The following CPSF1 variants were observed in gnomAD, a reference collection of about 807,000 sequenced individuals.
CPSF1 encodes cleavage and polyadenylation specificity factor subunit 1.
CPSF1 carries 106 observed loss-of-function variants against 175.8 expected under a neutral mutation model. The observed-to-expected ratio is 0.60, with a 90% CI of 0.52 to 0.71. The LOEUF (loss-of-function observed/expected upper bound fraction) is 0.71, where lower values mean the gene tolerates loss of function less well. Among genes scored for constraint, CPSF1 ranks in the 30% least tolerant of loss-of-function variants. The pLI is 0.00. For synonymous variants in CPSF1, 1,024 were observed against 858.3 expected, an observed-to-expected ratio of 1.19 and a Z score of -3.37; for missense variants, 1,734 against 2,022.9, an observed-to-expected ratio of 0.86 and a Z score of 2.74.
At chr8:144,408,710 T>C (rs2116911663) in intron 2 of CPSF1, among the ~76,000 whole-genome samples, 4 of 152,344 alleles carry the variant, frequency 2.6e-5, no homozygotes, top group African/African-American at 9.6e-5. Context: ...ATGGTATCTC[T>C]GCTACCCAGC....
chr8:144,408,310 C>T (rs1453413907), intron 2 of CPSF1, among the ~76,000 whole-genome samples: 2 of 152,210 alleles, frequency 1.3e-5, no homozygotes, highest in Non-Finnish European at 2.9e-5. Context: ...ACCCTCCTCT[C>T]ACCATCCCTG....
chr8:144,400,132 C>CCGGGGGGGGGG, intron 9 of CPSF1, 34 bp downstream of exon 9: 1 of 1,067,950 alleles, frequency 9.4e-7, no homozygotes, highest in Non-Finnish European at 1.3e-6. Context: ...AAGCCGTCCC[C>CCGGGGGGGGGG]GGGCCCCCCC....
intron 28 of CPSF1, 25 bp downstream of exon 28, chr8:144,395,240 G>A: frequency 1.9e-6 from 3 of 1,613,054 alleles, no homozygotes; most frequent in Non-Finnish European, 2.5e-6. Context: ...GGCTGAGGAT[G>A]GGAGTATGGT....
At chr8:144,402,429 C>T (rs2116891314) in intron 2 of CPSF1, among the ~76,000 whole-genome samples, 21 of 152,128 alleles carry the variant, frequency 1.4e-4, no homozygotes, top group Non-Finnish European at 2.8e-4. Flanking sequence ...CTCAGCCTCC[C>T]AAGTAGCTGG....
At chr8:144,407,010 G>C (rs1372580210) in intron 2 of CPSF1, among the ~76,000 whole-genome samples, 1 of 151,990 alleles carries the variant, frequency 6.6e-6, no homozygotes, top group Non-Finnish European at 1.5e-5. Flanking sequence ...CCGCCTACGG[G>C]TTCAAGCAAT....
Position 144,394,319 on chromosome 8 carries a change from C to A in CPSF1, c.3745-19G>T, listed in dbSNP as rs201022477. Reference sequence around the variant, plus strand: ...TGGCATCCTGGGGGCGGGAAGGGGGCGTCAGAGGTGCCTTGGGCGGGTACC... The same window carrying A: ...TGGCATCCTGGGGGCGGGAAGGGGGAGTCAGAGGTGCCTTGGGCGGGTACC... On this transcript the variant is annotated intron_variant, in intron 32 of 37. Coordinates refer to ENST00000616140, the MANE Select transcript of CPSF1 (RefSeq NM_013291.3). 6 of 1,584,702 alleles carry A rather than the reference C, an allele frequency of 3.8e-6. No homozygotes were observed. The highest frequency in any genetic ancestry group is 5.2e-6 in the Non-Finnish European group (6 of 1,163,420).
In CPSF1 at chr8:144,396,078, G is replaced by C. The variant is rs553650560; in HGVS notation, c.2979+270C>G. ...CGTCAGCTCTCCTGAGAAGTGTGGA[G>C]GCCAGGCCCTGCGAGGGCTTGCCCG... On this transcript the variant is annotated intron_variant, in intron 26 of 37. Transcript: ENST00000616140. 7 of 530,446 alleles carry C rather than the reference G, an allele frequency of 1.3e-5. No homozygotes were observed. In the East Asian group the frequency reaches 1.6e-4, roughly 12 times the overall value. 32.9% of individuals were successfully genotyped at this position (530,446 alleles called of 1,614,324 possible). A position where few individuals can be genotyped will look rare whatever the true frequency, so the allele number is the denominator to read the frequency against.
At chr8:144,401,172 C>T (rs1219824602) in intron 5 of CPSF1, 39 bp downstream of exon 5, 14 of 868,586 alleles carry the variant, frequency 1.6e-5, no homozygotes, top group African/African-American at 5.4e-5. Context: ...GGGAGGGTGG[C>T]TGGGCGGGGC....
intron 37 of CPSF1, 35 bp downstream of exon 37, chr8:144,393,412 CGGAGG>C (rs1564681267): frequency 1.5e-6 from 1 of 681,196 alleles, no homozygotes; most frequent in Non-Finnish European, 2.1e-6. Context: ...GGGATGCACA[CGGAGG>C]GGCGGGGCGC....
In CPSF1 at chr8:144,397,752, G is replaced by A; in HGVS notation, c.2201C>T (p.Ser734Leu). Residue 734 changes from serine (S) to leucine (L), a missense_variant, in exon 21 of 38, where the codon TCA (serine) becomes TTA (leucine). Coordinates refer to ENST00000616140, the MANE Select transcript of CPSF1 (RefSeq NM_013291.3). Reference sequence around the variant, plus strand: ...CCCAGCCCCCACGCACCTAGTCTCTGAGCCCAGGCCCTCGGCCTCCGGGCC... The same window carrying A: ...CCCAGCCCCCACGCACCTAGTCTCTAAGCCCAGGCCCTCGGCCTCCGGGCC... ...RSGPEAEGLG[S>L]ETSPTVDDEE... is the part of the protein sequence containing the mutation. 6.2e-7 allele frequency: 1 copy of A among 1,603,578 alleles called. No homozygotes were observed. Among genetic ancestry groups the A allele is most frequent in the Non-Finnish European group, 8.5e-7 (1 of 1,173,130 alleles).
chr8:144,397,362 C>T lies in CPSF1; in HGVS notation c.2437G>A (p.Val813Met), dbSNP rs782130341. The T allele has an allele frequency of 4.6e-5, 72 of 1,565,928 alleles. No individual in the cohort carries two copies. The highest frequency in any genetic ancestry group is 6.0e-5 in the Non-Finnish European group (69 of 1,155,800). The change falls in exon 23 of 38, where the codon GTG (valine) becomes ATG (methionine). Residue 813 changes from valine (V) to methionine (M), a missense_variant. Val to Met is a conservative substitution (Grantham distance 21, BLOSUM62 1). This residue lies in a region of CPSF1 where 585 missense variants were observed against 584.7 expected (regional missense o/e 1.00). Coordinates refer to ENST00000616140, the MANE Select transcript of CPSF1 (RefSeq NM_013291.3). The stretch of plus-strand genomic sequence containing the variant: ...CTGTCCACAAGGACCCGCTGCCCCA[C>T]AGGGAAGTTCTTCACCAGGAACACC... Reference protein sequence around the residue: ...RLVFLVKNFPVGQRVLVDSSF... With the variant: ...RLVFLVKNFPMGQRVLVDSSF...
intron 26 of CPSF1, 21 bp downstream of exon 26, chr8:144,396,327 T>G: frequency 6.4e-7 from 1 of 1,572,900 alleles, no homozygotes; most frequent in Non-Finnish European, 8.6e-7. Context: ...CCAGTGCTGC[T>G]GGGAACCGGC....
In CPSF1 at chr8:144,397,617, C is replaced by T. The variant is rs782248274; in HGVS notation, c.2255G>A (p.Gly752Asp). The T allele has an allele frequency of 6.5e-7, 1 of 1,534,306 alleles. No individual in the cohort carries two copies. The highest frequency in any genetic ancestry group is 8.8e-7 in the Non-Finnish European group (1 of 1,136,678). ...CTCCTTGCTGGGGCTGAAGAGGGAG[C>T]CCGAATCCCCATACAGCATCTCCTC... ...DEEEMLYGDSGSLFSPSKEEA... is the reference protein window; with the variant it reads ...DEEEMLYGDSDSLFSPSKEEA... Residue 752 changes from glycine (G) to aspartate (D), a missense_variant, in exon 22 of 38, where the codon GGC (glycine) becomes GAC (aspartate). Gly to Asp is a moderately conservative substitution (Grantham distance 94, BLOSUM62 -1). This residue lies in a region of CPSF1 where 585 missense variants were observed against 584.7 expected (regional missense o/e 1.00). Transcript: ENST00000616140.
Position 144,395,278 on chromosome 8 carries a change from C to A in CPSF1, c.3174G>T (p.Glu1058Asp), listed in dbSNP as rs1427222292. 8.1e-6 allele frequency: 13 copies of A among 1,613,094 alleles called. No individual in the cohort carries two copies. The highest frequency in any genetic ancestry group is 2.7e-5 in the African/African-American group (2 of 74,928). ...PRMTGEEKEF[E>D]TIERDERYIH... ...GGGCGTCACCACCTCTCTCGATGGT[C>A]TCAAACTCCTTCTCCTCGCCAGTCA... is the stretch of plus-strand genomic sequence containing the variant. Residue 1058 changes from glutamate (E) to aspartate (D), a missense_variant, in exon 28 of 38, where the codon GAG becomes GAT. Glu to Asp is a conservative substitution (Grantham distance 45). Coordinates refer to ENST00000616140, the MANE Select transcript of CPSF1 (RefSeq NM_013291.3).
At position 144,399,406 on chromosome 8, in the gene CPSF1, T is replaced by C. The variant is rs1301012263; in HGVS notation, c.1295-33A>G. On this transcript the variant is annotated intron_variant, in intron 13 of 37. Coordinates refer to ENST00000616140, the MANE Select transcript of CPSF1 (RefSeq NM_013291.3). This position sits in a 1 kb window ranked among gnomAD's most constrained non-coding sequence, Gnocchi z 6.4. ...CAGAGAGCCCACTTGAGCGCAGCCC[T>C]GGGTCACCTGGCCCCGCTCCTGACC... 5.6e-6 allele frequency: 9 copies of C among 1,612,686 alleles called. 1 individual carries two copies. The Admixed American group carries it at 1.0e-4, about 18-fold the overall frequency.
chr8:144,400,135 G>GCCCCCCCCCCCCCCCCCCCCCCCCCCCC, intron 9 of CPSF1, 31 bp downstream of exon 9: 73 of 895,912 alleles, frequency 8.1e-5, no homozygotes, highest in Non-Finnish European at 9.8e-5. Flanking sequence ...CCGTCCCCGG[G>GCCCCCCCCCCCCCCCCCCCCCCCCCCCC]CCCCCCCCGC....
At position 144,397,796 on chromosome 8, in the gene CPSF1, G is replaced by A. The variant is rs782746557; in HGVS notation, c.2157C>T (p.Asp719=). The A allele has an allele frequency of 6.2e-5, 100 of 1,610,352 alleles. No individual in the cohort carries two copies. The East Asian group carries it at 6.5e-4, about 10-fold the overall frequency. The change falls in exon 21 of 38, where the codon GAC becomes GAT. Residue 719 remains aspartate (D), a synonymous_variant. Coordinates refer to ENST00000616140, the MANE Select transcript of CPSF1 (RefSeq NM_013291.3). The part of the protein sequence containing the change: ...TTESRLGGAR[D]ELGGRSGPEA... ...CCGGGCCACTGCGGCCCCCGAGCTCGTCACGGGCCCCACCCAGGCGGCTCT... is the reference window on the plus strand; with the variant it reads ...CCGGGCCACTGCGGCCCCCGAGCTCATCACGGGCCCCACCCAGGCGGCTCT...
chr8:144,395,102 C>T lies in CPSF1; in HGVS notation c.3268G>A (p.Ala1090Thr), dbSNP rs1554863180. Residue 1090 changes from alanine (A) to threonine (T), a missense_variant, in exon 29 of 38, where the codon GCC becomes ACC. Ala to Thr is a moderately conservative substitution (Grantham distance 58). This residue lies in a region of CPSF1 where 585 missense variants were observed against 584.7 expected (regional missense o/e 1.00). Coordinates refer to ENST00000616140, the MANE Select transcript of CPSF1 (RefSeq NM_013291.3). ...SPVSWEAIPNARIELQEWEHV... is the reference protein window; with the variant it reads ...SPVSWEAIPNTRIELQEWEHV... ...CCCCCGCCGGCCCAGCCTCACCTGG[C>T]ATTGGGAATAGCCTCCCAGCTGACC... 2 of 1,609,666 alleles carry T rather than the reference C, an allele frequency of 1.2e-6. No individual in the cohort carries two copies. The highest frequency in any genetic ancestry group is 1.7e-6 in the Non-Finnish European group (2 of 1,177,834).
intron 2 of CPSF1, among the ~76,000 whole-genome samples, chr8:144,403,474 C>T (rs1331335883): frequency 2.0e-5 from 3 of 152,098 alleles, no homozygotes; most frequent in African/African-American, 7.2e-5. Context: ...GCCTCGACCT[C>T]CTGGGCTTAG....
Sources: gnomAD v4.1 joint callset for allele counts (sites outside exome capture counted in the v4.1 genomes callset) on GRCh38, gnomAD v4.1.1 for gene constraint, gnomAD v4.1.1 regional missense constraint, Gnocchi (gnomAD v3.1) non-coding constraint, MANE v1.5 for transcripts, NCBI Gene and HGNC (gene_info 2026-07-23, HGNC 2026-07-21) for gene names.